Variants in MCMBP observed in about 807,000 individuals in gnomAD.
The protein encoded by MCMBP is minichromosome maintenance complex binding protein.
A neutral mutation model predicts 81.3 loss-of-function variants in MCMBP; 31 were observed. The ratio of observed to expected loss-of-function variants is 0.38; its 90% CI spans 0.29 to 0.51. The LOEUF is 0.51. Ranked by LOEUF, MCMBP falls within the 20% of genes least tolerant of loss-of-function variation. The probability of loss-of-function intolerance (pLI) is 0.87; values close to 1 mark genes in which losing one functional copy is unlikely to be tolerated. For missense variants in MCMBP, 645 were observed against 772.1 expected (o/e 0.84, Z 1.95); for synonymous variants, 267 against 275.9 (o/e 0.97, Z 0.32).
In MCMBP at chr10:119,838,679, T is replaced by G. The variant is rs747668253; in HGVS notation, c.1264A>C (p.Ile422Leu). Residue 422 changes from isoleucine (I) to leucine (L), a missense_variant, in exon 12 of 16, where the codon ATA becomes CTA. Ile to Leu is a conservative substitution (Grantham distance 5, BLOSUM62 2). Transcript: ENST00000369077. ...VPASFRLQMT[I>L]ENMNHLKFIP... is the part of the protein sequence containing the mutation. ...AATTTCAAATGGTTCATGTTCTCTATAGTCATCTGCAGACGAAAAGACTGC... is the reference window on the plus strand; with the variant it reads ...AATTTCAAATGGTTCATGTTCTCTAGAGTCATCTGCAGACGAAAAGACTGC... 5 of 1,611,236 alleles carry G rather than the reference T, an allele frequency of 3.1e-6. No individual in the cohort carries two copies. In the South Asian group the frequency reaches 4.4e-5, roughly 14 times the overall value.
chr10:119,845,679 G>C (rs2247724), intron 8 of MCMBP, among the ~76,000 whole-genome samples: 107,760 of 152,042 alleles, frequency 0.71, 38,436 homozygotes, highest in East Asian at 0.8. Context: ...ACCTGAGTAA[G>C]TGGAACATAG....
intron 7 of MCMBP, among the ~76,000 whole-genome samples, chr10:119,849,079 T>C (rs1852718805): frequency 6.6e-6 from 1 of 152,174 alleles, no homozygotes; most frequent in Admixed American, 6.5e-5. Context: ...ACTTTCTTGG[T>C]TGTGGTCAGA....
At chr10:119,831,956 CAG>C in intron 15 of MCMBP, 54 bp downstream of exon 15, 1 of 1,486,038 alleles carries the variant, frequency 6.7e-7, no homozygotes, top group Non-Finnish European at 9.2e-7. Context: ...CTGAATAACT[CAG>C]AAGACATATA....
In MCMBP at chr10:119,847,625, T is replaced by A. The variant is rs760025991; in HGVS notation, c.815A>T (p.Asn272Ile). The change falls in exon 8 of 16, where the codon AAT (asparagine) becomes ATT (isoleucine). Residue 272 changes from asparagine (N) to isoleucine (I), a missense_variant. Asn to Ile is a moderately radical substitution (Grantham distance 149). Transcript: ENST00000369077. ...CACACAGACTCACCTTTCATCATTA[T>A]TCAGTATACTCAGCACAGGATCCAC... is the stretch of plus-strand genomic sequence containing the variant. ...LSVDPVLSILNNDERDASALL... is the reference protein window; with the variant it reads ...LSVDPVLSILINDERDASALL... 3 of 1,599,790 alleles carry A rather than the reference T, an allele frequency of 1.9e-6. No individual in the cohort carries two copies. Among genetic ancestry groups the A allele is most frequent in the Non-Finnish European group, 2.6e-6 (3 of 1,169,772 alleles).
intron 3 of MCMBP, 45 bp from the exon 4 acceptor site, chr10:119,858,970 G>T (rs777756927): frequency 1.2e-6 from 2 of 1,609,372 alleles, no homozygotes; most frequent in South Asian, 1.1e-5. Context: ...CAATATATCT[G>T]AACCAAAACT....
intron 6 of MCMBP, 95 bp downstream of exon 6, chr10:119,852,955 C>T: frequency 7.0e-7 from 1 of 1,436,502 alleles, no homozygotes; most frequent in Non-Finnish European, 9.6e-7. Flanking sequence ...ATTGCCAGCT[C>T]CTAAATATAG....
At chr10:119,849,309 G>T in intron 7 of MCMBP, 116 bp downstream of exon 7, 1 of 1,044,266 alleles carries the variant, frequency 9.6e-7, no homozygotes, top group Non-Finnish European at 1.4e-6. Flanking sequence ...TATTAAATTT[G>T]CAGTGATTTG....
At chr10:119,856,419 C>T (rs1853045233) in intron 5 of MCMBP, among the ~76,000 whole-genome samples, 1 of 152,198 alleles carries the variant, frequency 6.6e-6, no homozygotes, top group Non-Finnish European at 1.5e-5. Context: ...GACTCAAATG[C>T]ATGATGTTAA....
In MCMBP at chr10:119,853,057, T is replaced by C; in HGVS notation, c.567A>G (p.Arg189=). The change falls in exon 6 of 16, where the codon AGA becomes AGG. Residue 189 remains arginine, a synonymous_variant. Transcript: ENST00000369077. ...CCTGTTGGCACACACTACCTGCTTG[T>C]CTGGCACCTGCATGTTGGTCTTTCT... ...NKQKDQHAGA[R]QAGSVGGLQW... The C allele has an allele frequency of 9.3e-6, 15 of 1,614,154 alleles. No homozygotes were observed. Among genetic ancestry groups the C allele is most frequent in the Non-Finnish European group, 1.3e-5 (15 of 1,179,984 alleles).
chr10:119,867,374 G>A (rs1853506917), intron 1 of MCMBP, among the ~76,000 whole-genome samples: 1 of 146,862 alleles, frequency 6.8e-6, no homozygotes, highest in African/African-American at 2.5e-5. Flanking sequence ...ATACCATCAT[G>A]TTGATTTTTT....
chr10:119,867,867 G>A (rs940740691), intron 1 of MCMBP, among the ~76,000 whole-genome samples: 3 of 152,090 alleles, frequency 2.0e-5, no homozygotes, highest in African/African-American at 2.4e-5. Flanking sequence ...TGGTAGAAGA[G>A]GTCCAAGCTG....
rs1852891400 is a variant in MCMBP at position 119,853,108 on chromosome 10, GTCA to G, written c.513_515del (p.Asp173del). Reference sequence around the variant, plus strand: ...GCTTATTGGGCTGTAGGTCCATATCGTCATCATCTTCATAACTCCTCTTGTGGC... The same window carrying G: ...GCTTATTGGGCTGTAGGTCCATATCGTCATCTTCATAACTCCTCTTGTGGC... On this transcript the variant is annotated inframe_deletion, in exon 6 of 16. Coordinates refer to ENST00000369077, the MANE Select transcript of MCMBP (RefSeq NM_001256378.2). 4 of 1,614,060 alleles carry G rather than the reference GTCA, an allele frequency of 2.5e-6. No homozygotes were observed. The highest frequency in any genetic ancestry group is 1.7e-6 in the Non-Finnish European group (2 of 1,180,038).
chr10:119,868,922 C>T (rs147984956), intron 1 of MCMBP, among the ~76,000 whole-genome samples: 123 of 152,106 alleles, frequency 8.1e-4, no homozygotes, highest in Non-Finnish European at 1.3e-3. Flanking sequence ...GGAGGGGGTA[C>T]GCAGTGATAA....
At chr10:119,854,952 C>CAAAAA (rs748009891) in intron 5 of MCMBP, among the ~76,000 whole-genome samples, 12 of 144,198 alleles carry the variant, frequency 8.3e-5, no homozygotes, top group East Asian at 2.0e-4. Flanking sequence ...GACTCTGCCT[C>CAAAAA]AAAAAAAAAA....
chr10:119,860,825 T>G (rs1853230144), intron 1 of MCMBP, among the ~76,000 whole-genome samples: 1 of 152,238 alleles, frequency 6.6e-6, no homozygotes, highest in South Asian at 2.1e-4. Context: ...TAAACAATGT[T>G]GTCAAACTAC....
intron 12 of MCMBP, among the ~76,000 whole-genome samples, chr10:119,837,652 C>T (rs780174632): frequency 6.6e-6 from 1 of 152,044 alleles, no homozygotes; most frequent in Non-Finnish European, 1.5e-5. Context: ...GGCGTGATGG[C>T]GGGTGCCTGT....
Position 119,853,114 on chromosome 10 carries a change from A to T in MCMBP, c.510T>A (p.Asp170Glu). ...TPSRHKRSYE[D>E]DDDMDLQPNK... is the part of the protein sequence containing the mutation. The stretch of plus-strand genomic sequence containing the variant: ...TGGGCTGTAGGTCCATATCGTCATC[A>T]TCTTCATAACTCCTCTTGTGGCGAC... Residue 170 changes from aspartate to glutamate, a missense_variant, in exon 6 of 16, where the codon GAT (aspartate) becomes GAA (glutamate). Physicochemically the swap from Asp to Glu is conservative, Grantham distance 45. Coordinates refer to ENST00000369077, the MANE Select transcript of MCMBP (RefSeq NM_001256378.2). 6.2e-7 allele frequency: 1 copy of T among 1,614,202 alleles called. No homozygotes were observed. The highest frequency in any genetic ancestry group is 8.5e-7 in the Non-Finnish European group (1 of 1,180,032).
At chr10:119,860,270 C>T (rs982122898) in intron 1 of MCMBP, among the ~76,000 whole-genome samples, 2 of 152,062 alleles carry the variant, frequency 1.3e-5, no homozygotes, top group Non-Finnish European at 2.9e-5. Flanking sequence ...GTTTTTTTAT[C>T]TTTACAACTA....
In MCMBP at chr10:119,857,428, T is replaced by C. The variant is rs1157195996; in HGVS notation, c.339A>G (p.Glu113=). The C allele has an allele frequency of 6.2e-7, 1 of 1,606,578 alleles. No homozygotes were observed. Among genetic ancestry groups the C allele is most frequent in the Non-Finnish European group, 8.5e-7 (1 of 1,175,266 alleles). Residue 113 remains glutamate, a synonymous_variant, in exon 5 of 16, where the codon GAA becomes GAG. Transcript: ENST00000369077. Reference sequence around the variant, plus strand: ...TATTTCGTGGAGAGTTTAAATCAAGTTCTTGTTGAGGCTGTGATATACATA... The same window carrying C: ...TATTTCGTGGAGAGTTTAAATCAAGCTCTTGTTGAGGCTGTGATATACATA... ...RDVAECGPQQ[E]LDLNSPRNTT... is the part of the protein sequence containing the mutation.
Sources: allele counts gnomAD v4.1 joint callset (sites outside exome capture counted in the v4.1 genomes callset), GRCh38; gene constraint gnomAD v4.1.1; transcripts MANE v1.5; gene names NCBI Gene and HGNC (gene_info 2026-07-23, HGNC 2026-07-21).